Variants in TGM6 observed in about 807,000 individuals in gnomAD.
TGM6 encodes protein-glutamine gamma-glutamyltransferase 6.
A neutral mutation model predicts 77.5 loss-of-function variants in TGM6; 74 were observed. The ratio of observed to expected loss-of-function variants is 0.96; its 90% CI spans 0.79 to 1.16. The LOEUF is 1.16. TGM6 is among the 50% of genes most tolerant of loss of function. The pLI, the probability that TGM6 is intolerant of heterozygous loss-of-function variation, is 0.00. For synonymous variants in TGM6, 383 were observed against 378.9 expected (o/e 1.01, Z -0.12); for missense variants, 968 against 940.2 (o/e 1.03, Z -0.39).
rs150652148 is a variant in TGM6, at chr20:2,430,999, G to A, written c.1939G>A (p.Gly647Ser). 150 of 1,614,060 alleles carry A rather than the reference G, an allele frequency of 9.3e-5. 1 individual carries two copies. Among genetic ancestry groups the A allele is most frequent in the Middle Eastern group, 3.3e-4 (2 of 6,062 alleles). The change falls in exon 12 of 13, where the codon GGC becomes AGC. Residue 647 changes from glycine to serine, a missense_variant. Gly to Ser is a moderately conservative substitution (Grantham distance 56). Coordinates refer to ENST00000202625, the MANE Select transcript of TGM6 (RefSeq NM_198994.3). ...CTGTGCGCTGATGGTGGAGGGCAGC[G>A]GCCTTCTCCAGGAACAGCTCAGCAT... is the stretch of plus-strand genomic sequence containing the variant. ...KDCALMVEGS[G>S]LLQEQLSIDV...
intron 9 of TGM6, among the ~76,000 whole-genome samples, chr20:2,408,109 A>G (rs750603087): frequency 4.6e-5 from 7 of 152,140 alleles, no homozygotes; most frequent in Non-Finnish European, 7.4e-5. Context: ...ACAGAGTCCA[A>G]CAGGATTCCA....
At chr20:2,413,355 G>A (rs1488033187) in intron 9 of TGM6, among the ~76,000 whole-genome samples, 2 of 152,156 alleles carry the variant, frequency 1.3e-5, no homozygotes, top group Non-Finnish European at 2.9e-5. Flanking sequence ...GTTGCAATGA[G>A]CCATGATTGC....
intron 1 of TGM6, among the ~76,000 whole-genome samples, chr20:2,384,789 G>A (rs549845623): frequency 3.9e-5 from 6 of 152,294 alleles, no homozygotes; most frequent in Non-Finnish European, 5.9e-5. Flanking sequence ...AAGCTGGAGG[G>A]GCTATGAGGC....
chr20:2,416,873 C>T (rs6137955), intron 9 of TGM6, among the ~76,000 whole-genome samples: 27,539 of 152,036 alleles, frequency 0.18, 2,579 homozygotes, highest in East Asian at 0.25. Flanking sequence ...ACTTTACTTC[C>T]CTGTGTCTCG....
At chr20:2,404,697 A>G (rs1224010287) in intron 9 of TGM6, among the ~76,000 whole-genome samples, 1 of 151,828 alleles carries the variant, frequency 6.6e-6, no homozygotes, top group Non-Finnish European at 1.5e-5. Context: ...CTGGAGCGCA[A>G]TAATGTGATC....
At position 2,399,617 on chromosome 20, in the gene TGM6, C is replaced by T. The variant is rs374829198; in HGVS notation, c.729C>T (p.Gly243=). The T allele has an allele frequency of 1.2e-5, 20 of 1,613,248 alleles. No homozygotes were observed. The highest frequency in any genetic ancestry group is 1.0e-4 in the Admixed American group (6 of 60,008). Residue 243 remains glycine (G), a synonymous_variant, in exon 6 of 13, where the codon GGC becomes GGT. Transcript: ENST00000202625. The stretch of plus-strand genomic sequence containing the variant: ...AAGGACAGTGGCAGGGCAAGTACGG[C>T]GGCGGCACCAGCCCGCTGCACTGGC... ...VVQGQWQGKY[G]GGTSPLHWRG...
intron 9 of TGM6, among the ~76,000 whole-genome samples, chr20:2,410,124 G>A (rs1785989562): frequency 6.6e-6 from 1 of 152,094 alleles, no homozygotes; most frequent in South Asian, 2.1e-4. Context: ...TTCAGCATGG[G>A]GGCTGGTTGC....
chr20:2,422,394 A>G (rs2084862762), intron 10 of TGM6, among the ~76,000 whole-genome samples: 3 of 152,080 alleles, frequency 2.0e-5, no homozygotes, highest in South Asian at 2.1e-4. Flanking sequence ...GTGCAGGTCT[A>G]TTTCTGAACT....
At chr20:2,397,288 T>C (rs2084675824) in intron 4 of TGM6, among the ~76,000 whole-genome samples, 1 of 152,282 alleles carries the variant, frequency 6.6e-6, no homozygotes, top group Middle Eastern at 3.4e-3. Flanking sequence ...GTCTTGAGTC[T>C]GCTAGAGGAA....
Position 2,400,444 on chromosome 20 carries a change from G to T in TGM6, c.989G>T (p.Trp330Leu). The T allele has an allele frequency of 6.2e-7, 1 of 1,614,108 alleles. No individual in the cohort carries two copies. Among genetic ancestry groups the T allele is most frequent in the Admixed American group, 1.7e-5 (1 of 60,010 alleles). Reference sequence around the variant, plus strand: ...GAGGACCTGACAGAAGACAGCATGTGGTGGGTCCTGCCCCCAGCCTAGGCC... The same window carrying T: ...GAGGACCTGACAGAAGACAGCATGTTGTGGGTCCTGCCCCCAGCCTAGGCC... ...TLEDLTEDSM[W>L]NFHVWNESWF... Residue 330 changes from tryptophan (W) to leucine (L), a missense_variant and splice_region_variant, in exon 7 of 13, where the codon TGG becomes TTG. Coordinates refer to ENST00000202625, the MANE Select transcript of TGM6 (RefSeq NM_198994.3).
chr20:2,396,603 C>T lies in TGM6; in HGVS notation c.522C>T (p.Ala174=), dbSNP rs766655658. 1 of 1,614,176 alleles carries T rather than the reference C, an allele frequency of 6.2e-7. No individual in the cohort carries two copies. Among genetic ancestry groups the T allele is most frequent in the South Asian group, 1.1e-5 (1 of 91,074 alleles). The change falls in exon 4 of 13, where the codon GCC becomes GCT. Residue 174 remains alanine (A), a synonymous_variant. Transcript: ENST00000202625. ...GAGGCGTGGAGAAGCACATACGAGC[C>T]CAGGGCTGGAACTACGGGCAGGTCT... The part of the protein sequence containing the change: ...IFRGVEKHIR[A]QGWNYGQFEE...
At position 2,381,569 on chromosome 20, in the gene TGM6, A is replaced by G. The variant is rs549578372; in HGVS notation, c.7+594A>G. Among the ~76,000 whole-genome samples, 227 of 152,324 alleles carry G rather than the reference A, an allele frequency of 1.5e-3. 1 individual carries two copies. Among genetic ancestry groups the G allele is most frequent in the South Asian group, 5.8e-3 (28 of 4,830 alleles). Reference sequence around the variant, plus strand: ...CTTGCTGTGAGGAGTTGGTGAGACCACGTGTGCTGTTCTCCCACCACACAT... The same window carrying G: ...CTTGCTGTGAGGAGTTGGTGAGACCGCGTGTGCTGTTCTCCCACCACACAT... On this transcript the variant is annotated intron_variant, in intron 1 of 12. Coordinates refer to ENST00000202625, the MANE Select transcript of TGM6 (RefSeq NM_198994.3).
At chr20:2,383,365 G>A (rs557985762) in intron 1 of TGM6, among the ~76,000 whole-genome samples, 12 of 152,178 alleles carry the variant, frequency 7.9e-5, no homozygotes, top group African/African-American at 2.9e-4. Flanking sequence ...AGCTAGGCTT[G>A]GGGGTGGGGA....
chr20:2,395,082 C>T (rs1387034793), intron 2 of TGM6, 112 bp from the exon 3 acceptor site: 41 of 1,524,898 alleles, frequency 2.7e-5, no homozygotes, highest in Non-Finnish European at 3.5e-5. Flanking sequence ...CCCAAAGCCT[C>T]CCAGAAGTTC....
intron 1 of TGM6, among the ~76,000 whole-genome samples, chr20:2,386,310 G>C (rs2122326681): frequency 6.6e-6 from 1 of 152,294 alleles, no homozygotes; most frequent in South Asian, 2.1e-4. Flanking sequence ...GATCACCAAA[G>C]CAGCAGCTCC....
chr20:2,385,934 C>A (rs6083018), intron 1 of TGM6, among the ~76,000 whole-genome samples: 1 of 152,062 alleles, frequency 6.6e-6, no homozygotes, highest in African/African-American at 2.4e-5. Context: ...GAGGGAGAGA[C>A]GTATGTAAGC....
intron 1 of TGM6, among the ~76,000 whole-genome samples, chr20:2,382,303 C>T (rs933453392): frequency 3.9e-5 from 6 of 152,154 alleles, no homozygotes; most frequent in Non-Finnish European, 7.4e-5. Flanking sequence ...GCTCACAGCC[C>T]AGACTGCCTG....
chr20:2,430,349 G>C, intron 10 of TGM6, 97 bp from the exon 11 acceptor site: 1 of 1,497,176 alleles, frequency 6.7e-7, no homozygotes, highest in Non-Finnish European at 9.3e-7. Flanking sequence ...AAGGACCAGA[G>C]AGAAAGGAGC....
chr20:2,392,630 G>A (rs2084636547), intron 1 of TGM6, among the ~76,000 whole-genome samples: 3 of 152,192 alleles, frequency 2.0e-5, no homozygotes, highest in South Asian at 2.1e-4. Context: ...TCAAGAAGGC[G>A]GGCCAGGAAC....
Sources: gnomAD v4.1 joint callset for allele counts (sites outside exome capture counted in the v4.1 genomes callset) on GRCh38, gnomAD v4.1.1 for gene constraint, MANE v1.5 for transcripts, NCBI Gene and HGNC (gene_info 2026-07-23, HGNC 2026-07-21) for gene names.